CDC14A: variants seen among roughly 807,000 people sequenced by gnomAD.
The protein encoded by CDC14A is cell division cycle 14A.
CDC14A carries 53 observed loss-of-function variants against 74.4 expected under a neutral mutation model. That is an observed-to-expected ratio of 0.71 (90% CI 0.57 to 0.89). CDC14A has a LOEUF of 0.89. CDC14A is among the 40% of genes least tolerant of loss of function. CDC14A has a pLI of 0.00. For synonymous variants in CDC14A, 247 were observed against 258.4 expected (o/e 0.96, Z 0.43); for missense variants, 646 against 713.7 (o/e 0.91, Z 1.08).
At chr1:100,457,325 A>C (rs954946669) in intron 8 of CDC14A, among the ~76,000 whole-genome samples, 2 of 152,338 alleles carry the variant, frequency 1.3e-5, no homozygotes, top group South Asian at 4.1e-4. Flanking sequence ...TCTTACAGCC[A>C]GGTTTCTTCA....
upstream of CDC14A, among the ~76,000 whole-genome samples, chr1:100,350,915 C>T (rs78704631): frequency 0.01 from 1,584 of 152,126 alleles, 23 homozygotes; most frequent in African/African-American, 0.036. Flanking sequence ...AATTTGAGGC[C>T]TGGCGCGGTG....
intron 13 of CDC14A, 21 bp from the exon 14 acceptor site, chr1:100,498,064 T>G: frequency 5.0e-6 from 8 of 1,604,880 alleles, no homozygotes; most frequent in Non-Finnish European, 6.8e-6. Context: ...TTGTGACACT[T>G]TGCCATTTTT....
chr1:100,365,068 G>A lies in CDC14A; in HGVS notation c.140+11216G>A, dbSNP rs544642415. Among the ~76,000 whole-genome samples, 7 of 152,332 alleles carry A rather than the reference G, an allele frequency of 4.6e-5. No individual in the cohort carries two copies. The South Asian group carries it at 1.5e-3, about 32-fold the overall frequency. On this transcript the variant is annotated intron_variant, in intron 2 of 15. Transcript: ENST00000336454. ...ATCTAGACAATGCATCAAGGGACAG[G>A]ATTGATAGTTGATATTGGGGTTCTC...
At chr1:100,365,413 T>C (rs920385960) in intron 2 of CDC14A, among the ~76,000 whole-genome samples, 2 of 152,328 alleles carry the variant, frequency 1.3e-5, no homozygotes, top group Admixed American at 1.3e-4. Flanking sequence ...ACTAGAGTCA[T>C]AGACTCTGTA....
chr1:100,461,121 G>C (rs1357227998), intron 8 of CDC14A, among the ~76,000 whole-genome samples: 1 of 152,188 alleles, frequency 6.6e-6, no homozygotes, highest in Non-Finnish European at 1.5e-5. Flanking sequence ...CTTTAAGGCT[G>C]GGGGGACAAA....
intron 2 of CDC14A, among the ~76,000 whole-genome samples, chr1:100,367,060 C>G (rs909219037): frequency 6.6e-6 from 1 of 152,176 alleles, no homozygotes; most frequent in Non-Finnish European, 1.5e-5. Flanking sequence ...GAAGCCTTTT[C>G]CTAGGAAATG....
At chr1:100,361,820 G>T (rs992445070) in intron 2 of CDC14A, among the ~76,000 whole-genome samples, 17 of 152,152 alleles carry the variant, frequency 1.1e-4, no homozygotes, top group African/African-American at 4.1e-4. Context: ...AGTGACCAGG[G>T]CTCTACTTTA....
intron 4 of CDC14A, 168 bp from the exon 5 acceptor site, chr1:100,424,054 C>A: frequency 1.7e-6 from 1 of 580,496 alleles, no homozygotes; most frequent in Non-Finnish European, 3.1e-6. Flanking sequence ...GGCTGCTGCG[C>A]AGCTTCATGC....
chr1:100,470,727 T>C (rs1668308073), intron 10 of CDC14A, among the ~76,000 whole-genome samples: 1 of 152,102 alleles, frequency 6.6e-6, no homozygotes, highest in African/African-American at 2.4e-5. Flanking sequence ...ATCAGGGAAA[T>C]AGAAATTGAA....
rs141283068 is a variant in CDC14A, at chr1:100,459,921, A to G, written c.608-2730A>G. ...GGATTTTTATAAAACCTACTCACCA[A>G]TTCTAACCGCTCATGTTCATATCAT... On this transcript the variant is annotated intron_variant, in intron 8 of 15. Coordinates refer to ENST00000336454, the MANE Select transcript of CDC14A (RefSeq NM_003672.4). Among the ~76,000 whole-genome samples, 9 of 152,320 alleles carry G rather than the reference A, an allele frequency of 5.9e-5. No homozygotes were observed. In the East Asian group the frequency reaches 1.3e-3, roughly 23 times the overall value.
At chr1:100,489,005 A>G (rs1238538444) in intron 11 of CDC14A, among the ~76,000 whole-genome samples, 1 of 152,168 alleles carries the variant, frequency 6.6e-6, no homozygotes, top group African/African-American at 2.4e-5. Context: ...AAGGCCAGGG[A>G]GTTGGTGATG....
At chr1:100,356,843 G>A (rs889956434) in intron 2 of CDC14A, among the ~76,000 whole-genome samples, 1 of 124,956 alleles carries the variant, frequency 8.0e-6, no homozygotes, top group Non-Finnish European at 1.6e-5. Context: ...CTGGGCTACA[G>A]AGCAAGACTC....
In CDC14A at chr1:100,427,473, A is replaced by T. The variant is rs925522508; in HGVS notation, c.389+3172A>T. Among the ~76,000 whole-genome samples the T allele has an allele frequency of 3.3e-5, 5 of 152,316 alleles. No individual in the cohort carries two copies. In the South Asian group the frequency reaches 1.0e-3, roughly 32 times the overall value. ...AATTTTTTTCACTTTGCAAACATTTATCTGAGCAGTCACTTCTGTAAAGCC... is the reference window on the plus strand; with the variant it reads ...AATTTTTTTCACTTTGCAAACATTTTTCTGAGCAGTCACTTCTGTAAAGCC... On this transcript the variant is annotated intron_variant, in intron 5 of 15. Coordinates refer to ENST00000336454, the MANE Select transcript of CDC14A (RefSeq NM_003672.4).
At chr1:100,411,170 A>G (rs959296623) in intron 4 of CDC14A, among the ~76,000 whole-genome samples, 2 of 152,182 alleles carry the variant, frequency 1.3e-5, no homozygotes, top group African/African-American at 4.8e-5. Flanking sequence ...TGACAGGCCC[A>G]AGAGCCTCCT....
At chr1:100,349,725 G>A (rs956035826), upstream of CDC14A, among the ~76,000 whole-genome samples, 6 of 152,120 alleles carry the variant, frequency 3.9e-5, no homozygotes, top group African/African-American at 1.4e-4. Flanking sequence ...GCATAATCAC[G>A]TAATCACAGC....
intron 3 of CDC14A, among the ~76,000 whole-genome samples, chr1:100,387,014 G>GTT (rs59885122): frequency 2.1e-4 from 31 of 146,024 alleles, no homozygotes; most frequent in African/African-American, 6.9e-4. Context: ...ACATTAAAGA[G>GTT]TTTTTTTTTT....
intron 14 of CDC14A, among the ~76,000 whole-genome samples, 172 bp downstream of exon 14, chr1:100,498,379 A>G (rs1404839756): frequency 6.6e-6 from 1 of 152,156 alleles, no homozygotes; most frequent in Non-Finnish European, 1.5e-5. Flanking sequence ...AAGGCAGGAG[A>G]CAAGGTTGTG....
intron 4 of CDC14A, among the ~76,000 whole-genome samples, chr1:100,412,769 TA>T (rs199876243): frequency 0.026 from 2,839 of 110,596 alleles, 128 homozygotes; most frequent in Non-Finnish European, 0.036. Flanking sequence ...ATATATATAT[TA>T]TATATATATA....
intron 8 of CDC14A, among the ~76,000 whole-genome samples, chr1:100,458,320 T>C (rs6674902): frequency 0.27 from 41,715 of 152,092 alleles, 7,678 homozygotes; most frequent in African/African-American, 0.52. Flanking sequence ...AAAATTTAAG[T>C]AATATAAAGA....
Sources: gnomAD v4.1 joint callset for allele counts (sites outside exome capture counted in the v4.1 genomes callset) on GRCh38, gnomAD v4.1.1 for gene constraint, MANE v1.5 for transcripts, NCBI Gene and HGNC (gene_info 2026-07-23, HGNC 2026-07-21) for gene names.